RNFT2: variants seen among roughly 807,000 people sequenced by gnomAD.
The protein encoded by RNFT2 is ring finger protein, transmembrane 2, also known as E3 ubiquitin-protein ligase RNFT2.
Under a neutral mutation model 53.0 loss-of-function variants are expected in RNFT2, and 36 were observed. That is an observed-to-expected ratio of 0.68 (90% confidence interval 0.52 to 0.90). The LOEUF is 0.90. Among genes scored for constraint, RNFT2 ranks in the 40% least tolerant of loss-of-function variants. RNFT2 has a pLI of 0.00. For synonymous variants in RNFT2, 260 were observed against 253.2 expected (o/e 1.03, Z -0.26); for missense variants, 514 against 585.6 (o/e 0.88, Z 1.26).
rs140902139 is a variant in RNFT2, at chr12:116,742,685, G to A, written c.83+1591G>A. On this transcript the variant is annotated intron_variant, in intron 3 of 10. Transcript: ENST00000257575. Reference sequence around the variant, plus strand: ...AAGGGCCATGCAGTGACTCACGCCTGTAATCCCAACACTTTGGGAGACCAA... The same window carrying A: ...AAGGGCCATGCAGTGACTCACGCCTATAATCCCAACACTTTGGGAGACCAA... Among the ~76,000 whole-genome samples the A allele has an allele frequency of 5.3e-5, 8 of 152,266 alleles. No homozygotes were observed. In the East Asian group the frequency reaches 1.4e-3, roughly 26 times the overall value.
At chr12:116,772,968 A>G (rs1333814384) in intron 6 of RNFT2, among the ~76,000 whole-genome samples, 3 of 152,152 alleles carry the variant, frequency 2.0e-5, no homozygotes, top group Non-Finnish European at 4.4e-5. Context: ...AGCTAGGACT[A>G]CAGACACATG....
chr12:116,847,009 A>G (rs1163082346), intron 10 of RNFT2, among the ~76,000 whole-genome samples: 1 of 151,460 alleles, frequency 6.6e-6, no homozygotes, highest in African/African-American at 2.4e-5. Context: ...CCTGGGTTCA[A>G]ACGATTCTCC....
chr12:116,780,229 C>G (rs1466469785), intron 7 of RNFT2, among the ~76,000 whole-genome samples: 1 of 152,158 alleles, frequency 6.6e-6, no homozygotes, highest in Admixed American at 6.5e-5. Flanking sequence ...CACTGTGTGA[C>G]TTAACATGGT....
chr12:116,795,678 T>C (rs950806060), intron 7 of RNFT2, among the ~76,000 whole-genome samples: 12 of 152,130 alleles, frequency 7.9e-5, no homozygotes, highest in African/African-American at 2.7e-4. Flanking sequence ...AGGACAAAGT[T>C]TAATTCAGCT....
At chr12:116,787,821 C>T (rs1874007670) in intron 7 of RNFT2, among the ~76,000 whole-genome samples, 1 of 152,152 alleles carries the variant, frequency 6.6e-6, no homozygotes, top group South Asian at 2.1e-4. Context: ...TGGGTCCCAC[C>T]TCCCTGTCTG....
chr12:116,742,671 A>G (rs1011883741), intron 3 of RNFT2, among the ~76,000 whole-genome samples: 1 of 152,144 alleles, frequency 6.6e-6, no homozygotes, highest in Non-Finnish European at 1.5e-5. Flanking sequence ...AGGGCCATGC[A>G]GTGACTCACG....
chr12:116,771,460 T>TAAAAAAA (rs35911608), intron 6 of RNFT2, among the ~76,000 whole-genome samples: 3 of 64,150 alleles, frequency 4.7e-5, no homozygotes, highest in African/African-American at 1.8e-4. Context: ...ATCCTATCGT[T>TAAAAAAA]AAAAAAAAAA....
In RNFT2 at chr12:116,843,223, TGGCTTGCACCTGTA is replaced by T. The variant is rs548723150; in HGVS notation, c.1201-6090_1201-6077del. Among the ~76,000 whole-genome samples, 632 of 152,210 alleles carry T rather than the reference TGGCTTGCACCTGTA, an allele frequency of 4.2e-3. 2 individuals carry two copies. The highest frequency in any genetic ancestry group is 6.1e-3 in the Non-Finnish European group (413 of 68,006). On this transcript the variant is annotated intron_variant, in intron 10 of 10. Coordinates refer to ENST00000257575, the MANE Select transcript of RNFT2 (RefSeq NM_001382266.1). Reference sequence around the variant, plus strand: ...ACAATCCAAGGCCAGCTGGGCACAGTGGCTTGCACCTGTAATCCCAGCATTTTGGGAGGCTGAGG... The same window carrying T: ...ACAATCCAAGGCCAGCTGGGCACAGTATCCCAGCATTTTGGGAGGCTGAGG...
intron 10 of RNFT2, among the ~76,000 whole-genome samples, chr12:116,842,525 T>G (rs536611993): frequency 6.6e-6 from 1 of 152,244 alleles, no homozygotes; most frequent in South Asian, 2.1e-4. Context: ...TAAAGAACAT[T>G]GGCAGGGCCT....
chr12:116,804,853 G>A (rs1394010303), intron 7 of RNFT2, among the ~76,000 whole-genome samples: 2 of 152,160 alleles, frequency 1.3e-5, no homozygotes, highest in Non-Finnish European at 2.9e-5. Context: ...TGTAGTTCCA[G>A]CTATTCAGGA....
chr12:116,776,974 G>C (rs1273890799), intron 6 of RNFT2, among the ~76,000 whole-genome samples: 1 of 141,998 alleles, frequency 7.0e-6, no homozygotes, highest in African/African-American at 2.6e-5. Flanking sequence ...CTGGAGTACA[G>C]TGGCACGATC....
intron 3 of RNFT2, among the ~76,000 whole-genome samples, chr12:116,745,257 C>G (rs1185527956): frequency 1.3e-5 from 2 of 149,526 alleles, no homozygotes; most frequent in Non-Finnish European, 3.0e-5. Flanking sequence ...TCACTGCAAC[C>G]TTTGCCTCCC....
intron 5 of RNFT2, among the ~76,000 whole-genome samples, chr12:116,754,830 A>C (rs1872427221): frequency 6.6e-6 from 1 of 151,352 alleles, no homozygotes; most frequent in South Asian, 2.1e-4. Context: ...TTTTGATGGG[A>C]TTGTTTGTTT....
chr12:116,762,439 A>G (rs1405813358), intron 5 of RNFT2, among the ~76,000 whole-genome samples: 2 of 152,052 alleles, frequency 1.3e-5, no homozygotes, highest in African/African-American at 4.8e-5. Flanking sequence ...AGTGCATACA[A>G]GGTGTTTAGC....
intron 7 of RNFT2, among the ~76,000 whole-genome samples, chr12:116,781,508 G>A (rs533061358): frequency 2.6e-5 from 4 of 152,264 alleles, no homozygotes; most frequent in South Asian, 4.1e-4. Flanking sequence ...TTTTACTGCG[G>A]TGAAAACAGA....
intron 5 of RNFT2, among the ~76,000 whole-genome samples, chr12:116,757,494 A>G (rs1199840429): frequency 6.6e-6 from 1 of 152,084 alleles, no homozygotes; most frequent in African/African-American, 2.4e-5. Flanking sequence ...CACCTTTGCC[A>G]TATCCCAGAG....
At chr12:116,771,764 A>G (rs1012870786) in intron 6 of RNFT2, among the ~76,000 whole-genome samples, 87 of 152,046 alleles carry the variant, frequency 5.7e-4, no homozygotes, top group African/African-American at 2.0e-3. Flanking sequence ...GCAAGTGGGG[A>G]GGCAAAGCAC....
chr12:116,750,837 TATTATATATATATA>T (rs1566069363), intron 4 of RNFT2, among the ~76,000 whole-genome samples: 62 of 27,924 alleles, frequency 2.2e-3, no homozygotes, highest in African/African-American at 4.5e-3. Context: ...ATAATATATA[TATTATATATATATA>T]ATATATATTA....
chr12:116,836,255 C>A lies in RNFT2; in HGVS notation c.1173C>A (p.Phe391Leu). 2 of 1,582,680 alleles carry A rather than the reference C, an allele frequency of 1.3e-6. No individual in the cohort carries two copies. The highest frequency in any genetic ancestry group is 1.2e-5 in the South Asian group (1 of 86,338). ...GDICAICQAE[F>L]REPLILLCQH... ...TCTGCGCCATCTGTCAGGCCGAGTT[C>A]CGAGAGCCTCTGATTCTCCTGTGCC... Residue 391 changes from phenylalanine (F) to leucine (L), a missense_variant, in exon 10 of 11, where the codon TTC (phenylalanine) becomes TTA (leucine). Physicochemically the swap from Phe to Leu is conservative, Grantham distance 22. Coordinates refer to ENST00000257575, the MANE Select transcript of RNFT2 (RefSeq NM_001382266.1).
Sources: allele counts gnomAD v4.1 joint callset (sites outside exome capture counted in the v4.1 genomes callset), GRCh38; gene constraint gnomAD v4.1.1; transcripts MANE v1.5; gene names NCBI Gene and HGNC (gene_info 2026-07-23, HGNC 2026-07-21).